PRAM1: variants seen among roughly 807,000 people sequenced by gnomAD.
PRAM1 encodes PML-RARA-regulated adapter molecule 1.
A neutral mutation model predicts 55.3 loss-of-function variants in PRAM1; 41 were observed. That is an observed-to-expected ratio of 0.74 (90% confidence interval 0.58 to 0.96). PRAM1 has a LOEUF of 0.96. Among genes scored for constraint, PRAM1 ranks in the 40% least tolerant of loss-of-function variants. The probability of loss-of-function intolerance (pLI) is 0.00; values close to 1 mark genes in which losing one functional copy is unlikely to be tolerated. For synonymous variants in PRAM1, 401 were observed against 387.1 expected, an observed-to-expected ratio of 1.04 and a Z score of -0.42; for missense variants, 898 against 892.7, an observed-to-expected ratio of 1.01 and a Z score of -0.08.
At position 8,490,589 on chromosome 19, in the gene PRAM1, C is replaced by T. The variant is rs374011122; in HGVS notation, c.1906+5G>A. 14 of 1,587,238 alleles carry T rather than the reference C, an allele frequency of 8.8e-6. No homozygotes were observed. Among genetic ancestry groups the T allele is most frequent in the Non-Finnish European group, 3.4e-6 (4 of 1,166,928 alleles). ...TCCCGGGGCTGCGGGGCCGGGCGCACTCACATTTGCCTTTGGGGTCCCGGC... is the reference window on the plus strand; with the variant it reads ...TCCCGGGGCTGCGGGGCCGGGCGCATTCACATTTGCCTTTGGGGTCCCGGC... On this transcript the variant is annotated splice_donor_5th_base_variant and intron_variant, in intron 7 of 9. Transcript: ENST00000423345. The surrounding 1 kb of genome is among the most constrained non-coding windows in gnomAD (Gnocchi z 7.3).
chr19:8,490,379 G>A lies in PRAM1; in HGVS notation c.1941-7C>T. The stretch of plus-strand genomic sequence containing the variant: ...ATCGTACACCTCCGTCTCCCTGGCA[G>A]AGCACAGTTGGGTCAGCAAGGGGCA... On this transcript the variant is annotated splice_polypyrimidine_tract_variant and splice_region_variant and intron_variant, in intron 8 of 9. Coordinates refer to ENST00000423345, the MANE Select transcript of PRAM1 (RefSeq NM_032152.5). This position sits in a 1 kb window ranked among gnomAD's most constrained non-coding sequence, Gnocchi z 7.3. 1.2e-6 allele frequency: 2 copies of A among 1,613,992 alleles called. No homozygotes were observed. The highest frequency in any genetic ancestry group is 1.7e-6 in the Non-Finnish European group (2 of 1,179,904).
chr19:8,490,933 A>G lies in PRAM1; in HGVS notation c.1697T>C (p.Leu566Pro). The G allele has an allele frequency of 6.2e-7, 1 of 1,613,714 alleles. No homozygotes were observed. Among genetic ancestry groups the G allele is most frequent in the Non-Finnish European group, 8.5e-7 (1 of 1,179,866 alleles). ...CCTCTCGGCCTTCTCTGCCTTCCTCAGCTGCTTCAGCAACTTTGGGTCCAT... is the reference window on the plus strand; with the variant it reads ...CCTCTCGGCCTTCTCTGCCTTCCTCGGCTGCTTCAGCAACTTTGGGTCCAT... ...PPMDPKLLKQ[L>P]RKAEKAEREF... The change falls in exon 6 of 10, where the codon CTG becomes CCG. Residue 566 changes from leucine (L) to proline (P), a missense_variant. Around this residue, in one of 4 missense-constraint regions of PRAM1, gnomAD observed 787 missense variants for 735.4 expected, o/e 1.07. Transcript: ENST00000423345. The surrounding 1 kb of genome is among the most constrained non-coding windows in gnomAD (Gnocchi z 7.3).
At position 8,498,567 on chromosome 19, in the gene PRAM1, C is replaced by T. The variant is rs764569844; in HGVS notation, c.1241G>A (p.Gly414Glu). The T allele has an allele frequency of 6.2e-7, 1 of 1,612,126 alleles. No homozygotes were observed. Among genetic ancestry groups the T allele is most frequent in the East Asian group, 2.2e-5 (1 of 44,858 alleles). The change falls in exon 2 of 10, where the codon GGG becomes GAG. Residue 414 changes from glycine to glutamate, a missense_variant. Gly to Glu is a moderately conservative substitution (Grantham distance 98, BLOSUM62 -2). This residue lies in a region of PRAM1 where 787 missense variants were observed against 735.4 expected (regional missense o/e 1.07). Coordinates refer to ENST00000423345, the MANE Select transcript of PRAM1 (RefSeq NM_032152.5). ...GCCTCCTGACCTCCAGCGGGGTGTC[C>T]CAGCCGCTCCAAACCCAGGGCTGAG... ...HPLSPGFGAA[G>E]TPRWRSGGLV...
chr19:8,497,649 C>T (rs928034519), intron 4 of PRAM1, 115 bp downstream of exon 4: 9 of 804,930 alleles, frequency 1.1e-5, no homozygotes, highest in African/African-American at 1.8e-5. Flanking sequence ...TATGTAGTTC[C>T]ACCCAGCAGG....
At chr19:8,497,867 C>CTTT in intron 3 of PRAM1, 27 bp from the exon 4 acceptor site, 6 of 675,970 alleles carry the variant, frequency 8.9e-6, no homozygotes, top group East Asian at 3.1e-5. Flanking sequence ...GATGAGGCCT[C>CTTT]TTCTTTTTTT....
chr19:8,494,438 G>C (rs1233735342), intron 4 of PRAM1, among the ~76,000 whole-genome samples: 1 of 152,142 alleles, frequency 6.6e-6, no homozygotes, highest in East Asian at 1.9e-4. Context: ...AAGAAGCTCA[G>C]GGAGAAAGCC....
chr19:8,498,354 G>T, intron 2 of PRAM1, 22 bp downstream of exon 2: 1 of 1,583,986 alleles, frequency 6.3e-7, no homozygotes. Flanking sequence ...CGCTCCTGCC[G>T]GTGCCGCCCG....
intron 4 of PRAM1, among the ~76,000 whole-genome samples, chr19:8,495,490 C>T (rs747577024): frequency 7.2e-5 from 11 of 151,982 alleles, no homozygotes; most frequent in East Asian, 1.9e-4. Flanking sequence ...ATCCGCCCAC[C>T]GGACCTCCCA....
At position 8,490,285 on chromosome 19, in the gene PRAM1, C is replaced by T. The variant is rs112798606; in HGVS notation, c.1975+53G>A. ...TCCCCAGAAGCCCAATAGTGAGCAG[C>T]GCCCCCGGGGAATCGCCAGGGTCCC... On this transcript the variant is annotated intron_variant, in intron 9 of 9. Coordinates refer to ENST00000423345, the MANE Select transcript of PRAM1 (RefSeq NM_032152.5). The surrounding 1 kb of genome is among the most constrained non-coding windows in gnomAD (Gnocchi z 7.3). 1.1e-3 allele frequency: 1,721 copies of T among 1,613,478 alleles called. 26 individuals are homozygous for T. In the African/African-American group the frequency reaches 0.02, roughly 18 times the overall value.
At position 8,499,077 on chromosome 19, in the gene PRAM1, G is replaced by A. The variant is rs1474459125; in HGVS notation, c.731C>T (p.Pro244Leu). ...AGTCTGAGCGGCCTCGCTGAACTCA[G>A]GCTGCGGCACGGACTTCTTAGGGAG... ...GGLPKKSVPQ[P>L]EFSEAAQTPL... Residue 244 changes from proline (P) to leucine (L), a missense_variant, in exon 2 of 10, where the codon CCT (proline) becomes CTT (leucine). Physicochemically the swap from Pro to Leu is moderately conservative, Grantham distance 98 (BLOSUM62 -3). This residue lies in a region of PRAM1 where 787 missense variants were observed against 735.4 expected (regional missense o/e 1.07). Coordinates refer to ENST00000423345, the MANE Select transcript of PRAM1 (RefSeq NM_032152.5). 1 of 1,613,714 alleles carries A rather than the reference G, an allele frequency of 6.2e-7. No homozygotes were observed. Among genetic ancestry groups the A allele is most frequent in the South Asian group, 1.1e-5 (1 of 91,076 alleles).
intron 4 of PRAM1, among the ~76,000 whole-genome samples, chr19:8,492,966 C>A (rs1211171102): frequency 6.6e-6 from 1 of 152,126 alleles, no homozygotes; most frequent in Non-Finnish European, 1.5e-5. Flanking sequence ...CGCTGCACTC[C>A]AGCCTGGGCG....
chr19:8,490,425 C>A lies in PRAM1; in HGVS notation c.1940+51G>T. 1.2e-6 allele frequency: 2 copies of A among 1,613,718 alleles called. No individual in the cohort carries two copies. The highest frequency in any genetic ancestry group is 1.7e-6 in the Non-Finnish European group (2 of 1,179,784). ...GGGCACCGTGGCCCATTCCCCCCACCCTGCACCACACACCCCGCACTCCCC... is the reference window on the plus strand; with the variant it reads ...GGGCACCGTGGCCCATTCCCCCCACACTGCACCACACACCCCGCACTCCCC... On this transcript the variant is annotated intron_variant, in intron 8 of 9. Coordinates refer to ENST00000423345, the MANE Select transcript of PRAM1 (RefSeq NM_032152.5). This position sits in a 1 kb window ranked among gnomAD's most constrained non-coding sequence, Gnocchi z 7.3.
At position 8,498,451 on chromosome 19, in the gene PRAM1, G is replaced by A; in HGVS notation, c.1357C>T (p.Pro453Ser). ...GGGGGCAGCGGGGGCTTGGCTGGAG[G>A]GTGTCCCAGGCTGCTGGCAGGGGGC... ...PLPPASSLGH[P>S]PAKPPLPPGP... The change falls in exon 2 of 10, where the codon CCT becomes TCT. Residue 453 changes from proline (P) to serine (S), a missense_variant. By Grantham distance (74) the Pro-to-Ser change is moderately conservative. Coordinates refer to ENST00000423345, the MANE Select transcript of PRAM1 (RefSeq NM_032152.5). 3.2e-6 allele frequency: 5 copies of A among 1,583,724 alleles called. No homozygotes were observed. Among genetic ancestry groups the A allele is most frequent in the Non-Finnish European group, 4.3e-6 (5 of 1,164,730 alleles).
intron 3 of PRAM1, 99 bp from the exon 4 acceptor site, chr19:8,497,939 G>C: frequency 1.1e-6 from 1 of 927,218 alleles, no homozygotes; most frequent in Non-Finnish European, 1.6e-6. Flanking sequence ...GTGGTGCAGG[G>C]GCATGATCTC....
intron 4 of PRAM1, chr19:8,495,963 C>A: frequency 4.7e-6 from 2 of 429,122 alleles, no homozygotes; most frequent in Non-Finnish European, 4.7e-6. Context: ...GCAGGAGGTG[C>A]GGGCCTGCTC....
chr19:8,498,843 G>C lies in PRAM1; in HGVS notation c.965C>G (p.Pro322Arg), dbSNP rs377529698. ...AEFKALSKKP[P>R]QPELGGLPRT... ...GGGGAGGCCGCCCAGCTCGGGCTGC[G>C]GGGGCTTCTTGGAGAGCGCTTTGAA... Residue 322 changes from proline to arginine, a missense_variant, in exon 2 of 10, where the codon CCG becomes CGG. Physicochemically the swap from Pro to Arg is moderately radical, Grantham distance 103. Around this residue, in one of 4 missense-constraint regions of PRAM1, gnomAD observed 787 missense variants for 735.4 expected, o/e 1.07. Coordinates refer to ENST00000423345, the MANE Select transcript of PRAM1 (RefSeq NM_032152.5). The C allele has an allele frequency of 1.9e-6, 3 of 1,605,102 alleles. No homozygotes were observed. The highest frequency in any genetic ancestry group is 2.6e-6 in the Non-Finnish European group (3 of 1,176,146).
rs1971662286 is a variant in PRAM1, at chr19:8,493,867, G to A, written c.1577-2710C>T. Among the ~76,000 whole-genome samples, 1 of 151,798 alleles carries A rather than the reference G, an allele frequency of 6.6e-6. No homozygotes were observed. The highest frequency in any genetic ancestry group is 1.5e-5 in the Non-Finnish European group (1 of 67,930). On this transcript the variant is annotated intron_variant, in intron 4 of 9. Transcript: ENST00000423345. This position sits in a 1 kb window ranked among gnomAD's most constrained non-coding sequence, Gnocchi z 4.1. ...GGCTGGAGTGCAGAGGTGCAATCTC[G>A]GCTCATTGCAGCCTCCATCTCCTGG...
Position 8,499,084 on chromosome 19 carries a change from G to T in PRAM1, c.724C>A (p.Pro242Thr), listed in dbSNP as rs1321401881. ...QVGGLPKKSVPQPEFSEAAQT... is the reference protein window; with the variant it reads ...QVGGLPKKSVTQPEFSEAAQT... ...GCGGCCTCGCTGAACTCAGGCTGCG[G>T]CACGGACTTCTTAGGGAGGCCACCG... The change falls in exon 2 of 10, where the codon CCG (proline) becomes ACG (threonine). Residue 242 changes from proline (P) to threonine (T), a missense_variant. This residue lies in a region of PRAM1 where 787 missense variants were observed against 735.4 expected (regional missense o/e 1.07). Coordinates refer to ENST00000423345, the MANE Select transcript of PRAM1 (RefSeq NM_032152.5). 5 of 1,613,536 alleles carry T rather than the reference G, an allele frequency of 3.1e-6. No individual in the cohort carries two copies. The highest frequency in any genetic ancestry group is 4.2e-6 in the Non-Finnish European group (5 of 1,179,796).
intron 4 of PRAM1, chr19:8,496,120 G>C (rs1054555927): frequency 2.2e-6 from 1 of 455,928 alleles, no homozygotes; most frequent in Admixed American, 2.4e-5. Flanking sequence ...AACACAACAG[G>C]TCTAAGTAAA....
Sources: allele counts gnomAD v4.1 joint callset (sites outside exome capture counted in the v4.1 genomes callset), GRCh38; gene constraint gnomAD v4.1.1; regional missense constraint gnomAD v4.1.1; non-coding constraint Gnocchi (gnomAD v3.1); transcripts MANE v1.5; gene names NCBI Gene and HGNC (gene_info 2026-07-23, HGNC 2026-07-21).